The following PRMT8 variants were observed in gnomAD, a reference collection of about 807,000 sequenced individuals.
The protein encoded by PRMT8 is protein arginine N-methyltransferase 8.
Under a neutral mutation model 47.1 loss-of-function variants are expected in PRMT8, and 7 were observed. The ratio of observed to expected loss-of-function variants is 0.15; its 90% CI spans 0.08 to 0.28. The LOEUF (loss-of-function observed/expected upper bound fraction) is 0.28. Among genes scored for constraint, PRMT8 ranks in the 10% least tolerant of loss-of-function variants. The pLI is 1.00. For synonymous variants in PRMT8, 188 were observed against 186.5 expected (o/e 1.01, Z -0.07); for missense variants, 237 against 505.4 (o/e 0.47, Z 5.09).
At chr12:3,562,752 T>C (rs187709209) in intron 4 of PRMT8, among the ~76,000 whole-genome samples, 24 of 152,264 alleles carry the variant, frequency 1.6e-4, no homozygotes, top group Admixed American at 1.3e-3. Flanking sequence ...TGTTTTCCCT[T>C]CTGGAGACCT....
At chr12:3,437,893 C>T (rs960153409) in intron 1 of PRMT8, among the ~76,000 whole-genome samples, 7 of 152,124 alleles carry the variant, frequency 4.6e-5, no homozygotes, top group Non-Finnish European at 2.9e-5. Context: ...GCCTGACACA[C>T]GGCGAGGGCC....
At chr12:3,536,694 G>C (rs1315137673) in intron 1 of PRMT8, among the ~76,000 whole-genome samples, 1 of 152,206 alleles carries the variant, frequency 6.6e-6, no homozygotes, top group African/African-American at 2.4e-5. Context: ...GAGGGCCCCA[G>C]CCAGGCTGGA....
At chr12:3,398,131 G>A (rs553859902) in intron 1 of PRMT8, among the ~76,000 whole-genome samples, 3 of 152,282 alleles carry the variant, frequency 2.0e-5, no homozygotes, top group African/African-American at 4.8e-5. Context: ...AGATGAACCC[G>A]GTACCTCAGA....
At chr12:3,586,703 T>A (rs1049400123) in intron 8 of PRMT8, among the ~76,000 whole-genome samples, 1 of 152,238 alleles carries the variant, frequency 6.6e-6, no homozygotes, top group Non-Finnish European at 1.5e-5. Context: ...TTGCGATGCA[T>A]GCTCCAGCTT....
intron 8 of PRMT8, among the ~76,000 whole-genome samples, chr12:3,591,966 G>A (rs1164738848): frequency 1.3e-5 from 2 of 152,082 alleles, no homozygotes; most frequent in African/African-American, 2.4e-5. Context: ...TTGTAGTATC[G>A]GGTTGTTTGT....
intron 4 of PRMT8, among the ~76,000 whole-genome samples, chr12:3,559,838 C>G (rs552766206): frequency 6.6e-6 from 1 of 152,302 alleles, no homozygotes; most frequent in East Asian, 1.9e-4. Context: ...GGCATCCGCA[C>G]CCCTACCATT....
intron 4 of PRMT8, among the ~76,000 whole-genome samples, chr12:3,560,726 G>A (rs987233332): frequency 2.0e-5 from 3 of 152,162 alleles, no homozygotes; most frequent in African/African-American, 7.2e-5. Context: ...AAATGTCATA[G>A]CTACAAGAAA....
intron 8 of PRMT8, 125 bp from the exon 9 acceptor site, chr12:3,592,106 G>T (rs544985234): frequency 9.3e-7 from 1 of 1,078,990 alleles, no homozygotes; most frequent in South Asian, 1.8e-5. Context: ...AGAGTACTGG[G>T]GTGGGTGGTT....
chr12:3,435,081 G>A (rs767863272), intron 1 of PRMT8, among the ~76,000 whole-genome samples: 30 of 149,990 alleles, frequency 2.0e-4, no homozygotes, highest in Non-Finnish European at 4.3e-4. Flanking sequence ...CGATTCTCCT[G>A]CCTGAGCCTC....
At chr12:3,506,332 T>C (rs1050854575) in intron 1 of PRMT8, among the ~76,000 whole-genome samples, 1 of 152,152 alleles carries the variant, frequency 6.6e-6, no homozygotes, top group Non-Finnish European at 1.5e-5. Context: ...CCCAACAGTA[T>C]ATGAAAGGAG....
intron 4 of PRMT8, among the ~76,000 whole-genome samples, chr12:3,563,075 A>G (rs1866662757): frequency 6.6e-6 from 1 of 151,832 alleles, no homozygotes; most frequent in South Asian, 2.1e-4. Flanking sequence ...GGTATCTGCC[A>G]GGCTGGACCA....
upstream of PRMT8, among the ~76,000 whole-genome samples, chr12:3,487,909 C>T (rs77165867): frequency 2.2e-3 from 331 of 152,278 alleles, 11 homozygotes; most frequent in East Asian, 0.047. Context: ...AATCCTGATG[C>T]CCAAACCTCA....
intron 1 of PRMT8, among the ~76,000 whole-genome samples, chr12:3,388,634 A>T (rs1348687960): frequency 1.0e-4 from 1 of 9,642 alleles, no homozygotes; most frequent in Admixed American, 2.4e-3. Context: ...CAATGAAGAA[A>T]CTGAGTTAGA....
intron 2 of PRMT8, 150 bp from the exon 3 acceptor site, chr12:3,549,786 C>G: frequency 1.3e-6 from 1 of 788,812 alleles, no homozygotes. Context: ...CATGGCCCAG[C>G]TACCCCAGTT....
At chr12:3,551,085 C>G (rs75760057) in intron 3 of PRMT8, 6 of 149,558 alleles carry the variant, frequency 4.0e-5, no homozygotes, top group South Asian at 2.1e-4. Flanking sequence ...GACCCCCCCC[C>G]GCCCACTGAC....
intron 1 of PRMT8, among the ~76,000 whole-genome samples, chr12:3,475,353 A>C (rs1865201692): frequency 1.3e-5 from 2 of 152,182 alleles, no homozygotes; most frequent in Non-Finnish European, 2.9e-5. Flanking sequence ...AATCGTGGAC[A>C]TTTGCCCCAG....
chr12:3,431,299 C>CAG (rs34606620), intron 1 of PRMT8, among the ~76,000 whole-genome samples: 25,451 of 150,580 alleles, frequency 0.17, 2,312 homozygotes, highest in South Asian at 0.23. Context: ...AGAGTGGGCA[C>CAG]AGAGAGAGAG....
At chr12:3,541,051 T>G (rs1453962429) in intron 2 of PRMT8, among the ~76,000 whole-genome samples, 1 of 152,142 alleles carries the variant, frequency 6.6e-6, no homozygotes, top group Non-Finnish European at 1.5e-5. Flanking sequence ...TACGGTCCAT[T>G]TGTTTTACAT....
chr12:3,382,392 T>C (rs1037702161), intron 1 of PRMT8, among the ~76,000 whole-genome samples: 2 of 152,208 alleles, frequency 1.3e-5, no homozygotes, highest in Non-Finnish European at 2.9e-5. Flanking sequence ...CTCACCTGCA[T>C]TTGCTGGCCC....
Sources: gnomAD v4.1 joint callset for allele counts (sites outside exome capture counted in the v4.1 genomes callset) on GRCh38, gnomAD v4.1.1 for gene constraint, MANE v1.5 for transcripts, NCBI Gene and HGNC (gene_info 2026-07-23, HGNC 2026-07-21) for gene names.